Variants in MLLT6 observed in about 807,000 individuals in gnomAD.
MLLT6 encodes protein AF-17.
In MLLT6, 22 loss-of-function variants were observed where a neutral mutation model predicts 103.0. That is an observed-to-expected ratio of 0.21 (90% CI 0.15 to 0.31). The LOEUF is 0.31. MLLT6 is among the 10% of genes least tolerant of loss of function. MLLT6 has a pLI of 1.00. For missense variants in MLLT6, 1,199 were observed against 1,441.7 expected (o/e 0.83, Z 2.73); for synonymous variants, 606 against 623.5 (o/e 0.97, Z 0.42).
In MLLT6 at chr17:38,725,628, A is replaced by T. The variant is rs767905895; in HGVS notation, c.*30A>T. 2 of 1,553,318 alleles carry T rather than the reference A, an allele frequency of 1.3e-6. No individual in the cohort carries two copies. Among genetic ancestry groups the T allele is most frequent in the East Asian group, 4.7e-5 (2 of 42,210 alleles). ...ACCCTTACCCCTCCTGACCCCCCCAAGTGGAGGGAACAGATCCTGGCCTGA... is the reference window on the plus strand; with the variant it reads ...ACCCTTACCCCTCCTGACCCCCCCATGTGGAGGGAACAGATCCTGGCCTGA... On this transcript the variant is annotated 3_prime_UTR_variant, in exon 20 of 20. Coordinates refer to ENST00000621332, the MANE Select transcript of MLLT6 (RefSeq NM_005937.4).
intron 14 of MLLT6, 59 bp from the exon 15 acceptor site, chr17:38,720,313 T>TG: frequency 4.4e-4 from 75 of 169,850 alleles, no homozygotes; most frequent in East Asian, 8.5e-4. Context: ...CCGCCCCCGG[T>TG]CCCCTGGCCC....
intron 14 of MLLT6, 40 bp downstream of exon 14, chr17:38,719,935 G>A (rs748706559): frequency 6.6e-7 from 1 of 1,522,488 alleles, no homozygotes; most frequent in South Asian, 1.2e-5. Flanking sequence ...CTGCCCTAGG[G>A]CCCTAACAGT....
rs1186607217 is a variant in MLLT6, at chr17:38,728,158, G to A, written c.*2560G>A. The A allele has an allele frequency of 2.6e-5, 6 of 233,200 alleles. No homozygotes were observed. The highest frequency in any genetic ancestry group is 4.4e-5 in the African/African-American group (2 of 45,334). The allele number at this position is 233,200 out of a possible 1,614,324, so 14.4% of individuals were successfully genotyped here. A position where few individuals can be genotyped will look rare whatever the true frequency, so the allele number is the denominator to read the frequency against. ...GACGGGGCCCAGGCTGGGTATGAAC[G>A]GGTGCAGCCCTCTTCTCCTCTTCCC... is the stretch of plus-strand genomic sequence containing the variant. On this transcript the variant is annotated 3_prime_UTR_variant, in exon 20 of 20. Transcript: ENST00000621332.
chr17:38,723,367 C>G (rs1278203768), intron 18 of MLLT6, among the ~76,000 whole-genome samples: 1 of 152,084 alleles, frequency 6.6e-6, no homozygotes, highest in Non-Finnish European at 1.5e-5. Flanking sequence ...TGGTGCACGC[C>G]TGTAGTCCCA....
rs1463946931 is a variant in MLLT6, at chr17:38,725,620, C to A, written c.*22C>A. ...CTAAATCCACCCTTACCCCTCCTGA[C>A]CCCCCCAAGTGGAGGGAACAGATCC... On this transcript the variant is annotated 3_prime_UTR_variant, in exon 20 of 20. Coordinates refer to ENST00000621332, the MANE Select transcript of MLLT6 (RefSeq NM_005937.4). The A allele has an allele frequency of 4.4e-6, 5 of 1,123,962 alleles. No homozygotes were observed. In the Admixed American group the frequency reaches 7.6e-5, roughly 17 times the overall value. The allele number at this position is 1,123,962 out of a possible 1,614,324, so 69.6% of individuals were successfully genotyped here.
rs1906167971 is a variant in MLLT6, at chr17:38,728,739, A to G, written c.*3141A>G. ...GCCCTTGGTTCCCCTGCCCCACAAC[A>G]TGGTCTCCACATGGCTGGCTGGCTG... is the stretch of plus-strand genomic sequence containing the variant. On this transcript the variant is annotated 3_prime_UTR_variant, in exon 20 of 20. Coordinates refer to ENST00000621332, the MANE Select transcript of MLLT6 (RefSeq NM_005937.4). 1.3e-5 allele frequency: 3 copies of G among 234,458 alleles called. No homozygotes were observed. In the East Asian group the frequency reaches 1.8e-4, roughly 14 times the overall value. 14.5% of individuals were successfully genotyped at this position (234,458 alleles called of 1,614,324 possible).
intron 12 of MLLT6, chr17:38,718,743 C>T (rs894273809): frequency 6.6e-6 from 1 of 152,174 alleles, no homozygotes; most frequent in African/African-American, 2.4e-5. Context: ...CGGGTATTTA[C>T]GAGTTAAGGG....
Position 38,722,206 on chromosome 17 carries a change from A to G in MLLT6, c.2771A>G (p.Gln924Arg), listed in dbSNP as rs1905793786. Residue 924 changes from glutamine (Q) to arginine (R), a missense_variant, in exon 17 of 20, where the codon CAG becomes CGG. Coordinates refer to ENST00000621332, the MANE Select transcript of MLLT6 (RefSeq NM_005937.4). Reference sequence around the variant, plus strand: ...CAGGCTGGCGGGGCCCCCACGCTGCAGCTGCCAGGCTGTCTCAACAGGTGA... The same window carrying G: ...CAGGCTGGCGGGGCCCCCACGCTGCGGCTGCCAGGCTGTCTCAACAGGTGA... Reference protein sequence around the residue: ...LSQAGGAPTLQLPGCLNSLTE... With the variant: ...LSQAGGAPTLRLPGCLNSLTE... 1 of 1,367,218 alleles carries G rather than the reference A, an allele frequency of 7.3e-7. No individual in the cohort carries two copies. The allele number at this position is 1,367,218 out of a possible 1,614,324, so 84.7% of individuals were successfully genotyped here. A position where few individuals can be genotyped will look rare whatever the true frequency, so the allele number is the denominator to read the frequency against.
chr17:38,707,685 A>C (rs1904989627), intron 3 of MLLT6, 78 bp from the exon 4 acceptor site: 1 of 1,222,544 alleles, frequency 8.2e-7, no homozygotes, highest in African/African-American at 1.5e-5. Flanking sequence ...AGGAGGGAAC[A>C]GTCTGCAGCG....
rs181988552 is a variant in MLLT6 at position 38,707,886 on chromosome 17, C to T, written c.354+14C>T. On this transcript the variant is annotated intron_variant, in intron 4 of 19. Coordinates refer to ENST00000621332, the MANE Select transcript of MLLT6 (RefSeq NM_005937.4). ...CGCTTCAACAAGGTCAGCGGCCCCC[C>T]GCCGTGTCCCCTACCAGTTCCCTCC... 225 of 1,523,570 alleles carry T rather than the reference C, an allele frequency of 1.5e-4. No individual in the cohort carries two copies. The highest frequency in any genetic ancestry group is 3.2e-4 in the South Asian group (28 of 87,704). 94.4% of individuals were successfully genotyped at this position (1,523,570 alleles called of 1,614,324 possible). A position where few individuals can be genotyped will look rare whatever the true frequency, so the allele number is the denominator to read the frequency against.
chr17:38,724,797 C>T lies in MLLT6; in HGVS notation c.3061C>T (p.Leu1021=), dbSNP rs1905934378. The change falls in exon 19 of 20, where the codon CTG becomes TTG. Residue 1021 remains leucine, a synonymous_variant. Transcript: ENST00000621332. This position sits in a 1 kb window ranked among gnomAD's most constrained non-coding sequence, Gnocchi z 5.4. ...GLLPTASAPP[L]LPAGALVAPS... is the part of the protein sequence containing the mutation. Reference sequence around the variant, plus strand: ...GCTGCCCACAGCGTCTGCTCCACCCCTGCTGCCCGCTGGAGCCCTAGTGGC... The same window carrying T: ...GCTGCCCACAGCGTCTGCTCCACCCTTGCTGCCCGCTGGAGCCCTAGTGGC... The T allele has an allele frequency of 2.5e-6, 4 of 1,604,774 alleles. No homozygotes were observed. Among genetic ancestry groups the T allele is most frequent in the Non-Finnish European group, 3.4e-6 (4 of 1,176,136 alleles).
Position 38,728,944 on chromosome 17 carries a change from C to T in MLLT6, c.*3346C>T, listed in dbSNP as rs902346254. The T allele has an allele frequency of 8.6e-6, 2 of 233,778 alleles. No individual in the cohort carries two copies. Among genetic ancestry groups the T allele is most frequent in the African/African-American group, 4.4e-5 (2 of 45,338 alleles). The allele number at this position is 233,778 out of a possible 1,614,324, so 14.5% of individuals were successfully genotyped here. Reference sequence around the variant, plus strand: ...TTTGTGGGGTATTTTCCCCCTCAGGCTCCTGGGTCTGCTGCTGCCTCAAGG... The same window carrying T: ...TTTGTGGGGTATTTTCCCCCTCAGGTTCCTGGGTCTGCTGCTGCCTCAAGG... On this transcript the variant is annotated 3_prime_UTR_variant, in exon 20 of 20. Coordinates refer to ENST00000621332, the MANE Select transcript of MLLT6 (RefSeq NM_005937.4).
At chr17:38,719,634 G>C in intron 13 of MLLT6, 51 bp downstream of exon 13, 1 of 1,572,054 alleles carries the variant, frequency 6.4e-7, no homozygotes, top group South Asian at 1.2e-5. Flanking sequence ...AGGGACACCC[G>C]AGGGAGGAGG....
chr17:38,716,987 T>C lies in MLLT6; in HGVS notation c.1651+6T>C, dbSNP rs781012547. The stretch of plus-strand genomic sequence containing the variant: ...GTCCCCCTTACTAGGGGCAGGTTAG[T>C]GACCCCTGGGGACAGAGGGCATTTC... On this transcript the variant is annotated splice_donor_region_variant and intron_variant, in intron 10 of 19. Coordinates refer to ENST00000621332, the MANE Select transcript of MLLT6 (RefSeq NM_005937.4). The surrounding 1 kb of genome is among the most constrained non-coding windows in gnomAD (Gnocchi z 5.6). 1 of 1,613,064 alleles carries C rather than the reference T, an allele frequency of 6.2e-7. No homozygotes were observed.
chr17:38,717,003 AG>A, intron 10 of MLLT6, 22 bp downstream of exon 10: 1 of 1,610,432 alleles, frequency 6.2e-7, no homozygotes, highest in Admixed American at 1.7e-5. Flanking sequence ...CTGGGGACAG[AG>A]GGCATTTCAG....
intron 6 of MLLT6, among the ~76,000 whole-genome samples, chr17:38,711,597 G>A (rs543052413): frequency 2.6e-5 from 4 of 152,250 alleles, no homozygotes; most frequent in East Asian, 1.9e-4. Flanking sequence ...GGGCCCAGAC[G>A]CATCCTTGCC....
rs1177049868 is a variant in MLLT6, at chr17:38,709,339, C to T, written c.458+63C>T. Reference sequence around the variant, plus strand: ...GTCCTGGATGGCCACTGATCAGGCTCATCCTAGCTGCTGTCCCTTTGATGG... The same window carrying T: ...GTCCTGGATGGCCACTGATCAGGCTTATCCTAGCTGCTGTCCCTTTGATGG... On this transcript the variant is annotated intron_variant, in intron 5 of 19. Coordinates refer to ENST00000621332, the MANE Select transcript of MLLT6 (RefSeq NM_005937.4). The surrounding 1 kb of genome is among the most constrained non-coding windows in gnomAD (Gnocchi z 4.3). The T allele has an allele frequency of 4.8e-6, 7 of 1,453,490 alleles. No homozygotes were observed. The highest frequency in any genetic ancestry group is 2.3e-5 in the East Asian group (1 of 44,184). The allele number at this position is 1,453,490 out of a possible 1,614,324, so 90.0% of individuals were successfully genotyped here.
rs980054521 is a variant in MLLT6, at chr17:38,720,728, C to T, written c.2423C>T (p.Ser808Leu). The change falls in exon 16 of 20, where the codon TCG (serine) becomes TTG (leucine). Residue 808 changes from serine (S) to leucine (L), a missense_variant. Coordinates refer to ENST00000621332, the MANE Select transcript of MLLT6 (RefSeq NM_005937.4). ...PGKSSLGLDN[S>L]LSTSSEDPHS... ...AAGAGCAGCCTCGGCCTGGACAACT[C>T]GCTGTCCACTTCTTCTGAGGTGGGC... 1.2e-6 allele frequency: 2 copies of T among 1,613,676 alleles called. No individual in the cohort carries two copies. Among genetic ancestry groups the T allele is most frequent in the African/African-American group, 2.7e-5 (2 of 74,946 alleles).
At chr17:38,717,658 G>A (rs1567927659) in intron 11 of MLLT6, 45 bp downstream of exon 11, 2 of 1,582,996 alleles carry the variant, frequency 1.3e-6, no homozygotes, top group Non-Finnish European at 1.7e-6. Context: ...GCAGGTTGGG[G>A]ACAGACTGAC....
Sources: gnomAD v4.1 joint callset for allele counts (sites outside exome capture counted in the v4.1 genomes callset) on GRCh38, gnomAD v4.1.1 for gene constraint, Gnocchi (gnomAD v3.1) non-coding constraint, MANE v1.5 for transcripts, NCBI Gene and HGNC (gene_info 2026-07-23, HGNC 2026-07-21) for gene names.